DAB1: variants seen among roughly 807,000 people sequenced by gnomAD.
DAB1 encodes the protein DAB adaptor protein 1.
A neutral mutation model predicts 64.6 loss-of-function variants in DAB1; 15 were observed. The ratio of observed to expected loss-of-function variants is 0.23; its 90% confidence interval spans 0.16 to 0.36. DAB1 has a LOEUF of 0.36. DAB1 is among the 10% of genes least tolerant of loss of function. DAB1 has a pLI of 1.00. For missense variants in DAB1, 596 were observed against 706.7 expected (o/e 0.84, Z 1.78); for synonymous variants, 235 against 251.9 (o/e 0.93, Z 0.64).
intron 3 of DAB1, among the ~76,000 whole-genome samples, chr1:58,398,476 A>G (rs1344850181): frequency 6.6e-6 from 1 of 152,214 alleles, no homozygotes. Context: ...CCAAGCCTAG[A>G]CTTAATCCCA....
At chr1:58,394,409 G>A (rs535598163) in intron 3 of DAB1, among the ~76,000 whole-genome samples, 56 of 152,246 alleles carry the variant, frequency 3.7e-4, no homozygotes, top group African/African-American at 1.3e-3. Context: ...AACAAAACCT[G>A]TACATGAGTG....
chr1:58,194,454 CT>C (rs1351001602), intron 4 of DAB1, among the ~76,000 whole-genome samples: 2 of 152,148 alleles, frequency 1.3e-5, no homozygotes, highest in East Asian at 1.9e-4. Context: ...ATATCTTGTC[CT>C]CAATTTTTAA....
intron 1 of DAB1, among the ~76,000 whole-genome samples, chr1:57,865,288 GCAGTCCTTGTTGAGA>G (rs780348853): frequency 6.6e-6 from 1 of 152,154 alleles, no homozygotes; most frequent in Non-Finnish European, 1.5e-5. Context: ...GCTAGAAAAG[GCAGTCCTTGTTGAGA>G]CAGCTGCCCC....
intron 1 of DAB1, among the ~76,000 whole-genome samples, chr1:57,872,951 G>A (rs1356885270): frequency 2.0e-5 from 3 of 152,142 alleles, no homozygotes; most frequent in African/African-American, 7.2e-5. Flanking sequence ...CACTTTCTGG[G>A]AGACTAGGTC....
At chr1:57,444,105 G>A (rs960056151) in intron 7 of DAB1, among the ~76,000 whole-genome samples, 1 of 151,976 alleles carries the variant, frequency 6.6e-6, no homozygotes, top group Non-Finnish European at 1.5e-5. Flanking sequence ...CCACCTCAAG[G>A]TCCTGGAAAC....
chr1:58,211,001 C>T (rs1368881392), intron 4 of DAB1, among the ~76,000 whole-genome samples: 2 of 152,038 alleles, frequency 1.3e-5, no homozygotes, highest in African/African-American at 2.4e-5. Flanking sequence ...TAACGAGAAC[C>T]GATCTTGCAG....
At chr1:58,178,551 A>G (rs1656612079) in intron 4 of DAB1, among the ~76,000 whole-genome samples, 1 of 152,216 alleles carries the variant, frequency 6.6e-6, no homozygotes, top group Non-Finnish European at 1.5e-5. Flanking sequence ...AGTGCTCAAC[A>G]AAGGATGGGG....
At chr1:57,182,085 C>G (rs1025821111) in intron 2 of DAB1, among the ~76,000 whole-genome samples, 3 of 152,200 alleles carry the variant, frequency 2.0e-5, no homozygotes, top group South Asian at 2.1e-4. Context: ...CGGGGTTTCA[C>G]CGTGTTAGCC....
At chr1:58,471,281 C>G (rs1342454260) in intron 3 of DAB1, among the ~76,000 whole-genome samples, 1 of 152,106 alleles carries the variant, frequency 6.6e-6, no homozygotes. Flanking sequence ...TAGGTAAAAA[C>G]AAACAAGCAA....
In DAB1 at chr1:58,382,291, C is replaced by T. The variant is rs150602557; in HGVS notation, n.258-38888G>A. The stretch of plus-strand genomic sequence containing the variant: ...CACTCCATAGATTGGAGAGCCAAGG[C>T]GGGGATTCTGCCCATTCCTGAGTAT... On this transcript the variant is annotated intron_variant and non_coding_transcript_variant, in intron 3 of 20. Coordinates refer to the DAB1 transcript ENST00000485760. Among the ~76,000 whole-genome samples the T allele has an allele frequency of 3.1e-3, 465 of 152,184 alleles. 2 individuals carry two copies. Among genetic ancestry groups the T allele is most frequent in the Non-Finnish European group, 4.1e-3 (279 of 68,012 alleles).
intron 1 of DAB1, among the ~76,000 whole-genome samples, chr1:57,827,064 C>T (rs1297548593): frequency 1.3e-5 from 2 of 152,150 alleles, no homozygotes; most frequent in Non-Finnish European, 2.9e-5. Flanking sequence ...AATGAGGTTG[C>T]TATGGTAACT....
chr1:58,386,382 G>C (rs943294152), intron 3 of DAB1, among the ~76,000 whole-genome samples: 11 of 152,158 alleles, frequency 7.2e-5, no homozygotes, highest in Admixed American at 3.9e-4. Context: ...GGGATGATGA[G>C]GAAAATGTAT....
At chr1:57,396,812 T>G (rs1184748847) in intron 1 of DAB1, among the ~76,000 whole-genome samples, 1 of 152,214 alleles carries the variant, frequency 6.6e-6, no homozygotes, top group Non-Finnish European at 1.5e-5. Flanking sequence ...AGTCCAGGCC[T>G]CAGCTCCTCT....
chr1:57,830,894 A>G (rs1221614925), intron 1 of DAB1, among the ~76,000 whole-genome samples: 2 of 152,032 alleles, frequency 1.3e-5, no homozygotes, highest in African/African-American at 2.4e-5. Context: ...ACATCAGACA[A>G]ATGTTGCTTA....
intron 14 of DAB1, among the ~76,000 whole-genome samples, chr1:57,004,129 C>T (rs996607091): frequency 6.6e-6 from 1 of 152,170 alleles, no homozygotes; most frequent in Non-Finnish European, 1.5e-5. Flanking sequence ...ACAAGGGGTA[C>T]TTTCCCAAAG....
chr1:57,790,208 G>T (rs1455983639), intron 6 of DAB1, among the ~76,000 whole-genome samples: 1 of 152,142 alleles, frequency 6.6e-6, no homozygotes, highest in East Asian at 1.9e-4. Flanking sequence ...GTCATGGGAG[G>T]GACCTAGCAG....
At chr1:58,166,755 T>G (rs1254562485) in intron 4 of DAB1, among the ~76,000 whole-genome samples, 2 of 151,708 alleles carry the variant, frequency 1.3e-5, no homozygotes, top group Non-Finnish European at 2.9e-5. Context: ...TGTTCGTTTT[T>G]TTTTTTTTTT....
intron 3 of DAB1, among the ~76,000 whole-genome samples, chr1:58,391,487 A>T (rs1311972161): frequency 6.6e-6 from 1 of 152,242 alleles, no homozygotes; most frequent in Non-Finnish European, 1.5e-5. Flanking sequence ...CCATGGAGCT[A>T]AGAAGGGGTA....
intron 5 of DAB1, among the ~76,000 whole-genome samples, chr1:57,907,862 T>C (rs1644577367): frequency 7.1e-6 from 1 of 140,746 alleles, no homozygotes; most frequent in Non-Finnish European, 1.6e-5. Flanking sequence ...AGAAGGTATG[T>C]GTATATATAT....
Sources: allele counts gnomAD v4.1 joint callset (sites outside exome capture counted in the v4.1 genomes callset), GRCh38; gene constraint gnomAD v4.1.1; transcripts MANE v1.5; gene names NCBI Gene and HGNC (gene_info 2026-07-23, HGNC 2026-07-21).